Variants in ST6GAL1 observed in about 807,000 individuals in gnomAD.
The protein encoded by ST6GAL1 is beta-galactoside alpha-2,6-sialyltransferase 1.
Under a neutral mutation model 38.0 loss-of-function variants are expected in ST6GAL1, and 20 were observed. That is an observed-to-expected ratio of 0.53 (90% CI 0.37 to 0.77). The LOEUF is 0.77. Among genes scored for constraint, ST6GAL1 ranks in the 30% least tolerant of loss-of-function variants. The probability of loss-of-function intolerance (pLI) is 0.00; values close to 1 mark genes in which losing one functional copy is unlikely to be tolerated. For synonymous variants in ST6GAL1, 196 were observed against 188.2 expected (o/e 1.04, Z -0.34); for missense variants, 432 against 496.4 (o/e 0.87, Z 1.23).
At position 187,030,824 on chromosome 3, in the gene ST6GAL1, G is replaced by A. The variant is rs188531363; in HGVS notation, c.-182-7918G>A. ...AGAGCTACTCACACAGTTGTGTGTG[G>A]TCTGGGGCGGTAGTAAATTCCCTGT... On this transcript the variant is annotated intron_variant, in intron 2 of 7. Coordinates refer to ENST00000169298, the MANE Select transcript of ST6GAL1 (RefSeq NM_173216.2). Among the ~76,000 whole-genome samples the A allele has an allele frequency of 3.1e-3, 473 of 152,276 alleles. 4 individuals are homozygous for A. Among genetic ancestry groups the A allele is most frequent in the South Asian group, 0.028 (137 of 4,822 alleles).
At chr3:187,043,811 A>G (rs1718209487) in intron 4 of ST6GAL1, 1 of 152,318 alleles carries the variant, frequency 6.6e-6, no homozygotes, top group Non-Finnish European at 1.5e-5. Flanking sequence ...TCTGCACATC[A>G]TTTCCAGGTT....
chr3:187,029,129 C>T (rs1184251180), intron 2 of ST6GAL1, among the ~76,000 whole-genome samples: 2 of 145,524 alleles, frequency 1.4e-5, no homozygotes, highest in African/African-American at 5.1e-5. Context: ...CATGTCACGT[C>T]ACATCAGAAG....
At chr3:187,012,658 G>T (rs1444912513) in intron 2 of ST6GAL1, among the ~76,000 whole-genome samples, 2 of 152,220 alleles carry the variant, frequency 1.3e-5, no homozygotes, top group South Asian at 2.1e-4. Flanking sequence ...CTGAGCAAGG[G>T]TGCTGCTGAT....
At chr3:186,945,851 C>T (rs1036231413) in intron 1 of ST6GAL1, among the ~76,000 whole-genome samples, 4 of 151,130 alleles carry the variant, frequency 2.6e-5, no homozygotes, top group Non-Finnish European at 5.9e-5. Flanking sequence ...ATTAGCCAGG[C>T]GTGGTGGTGG....
intron 1 of ST6GAL1, among the ~76,000 whole-genome samples, chr3:186,937,844 A>G (rs1474988028): frequency 6.6e-6 from 1 of 152,118 alleles, no homozygotes; most frequent in Non-Finnish European, 1.5e-5. Flanking sequence ...AGGCTGATGC[A>G]GGCAGATCAC....
chr3:186,985,485 GA>G (rs1417437532), intron 2 of ST6GAL1, among the ~76,000 whole-genome samples: 4 of 151,700 alleles, frequency 2.6e-5, no homozygotes, highest in African/African-American at 9.7e-5. Context: ...AAAAGTTTTT[GA>G]AAGGATATGA....
chr3:187,058,875 C>T (rs1293149015), intron 5 of ST6GAL1, among the ~76,000 whole-genome samples: 1 of 152,128 alleles, frequency 6.6e-6, no homozygotes, highest in African/African-American at 2.4e-5. Context: ...CTCCTGACCT[C>T]AAGTAACCAC....
chr3:186,993,319 G>A (rs534131659), intron 2 of ST6GAL1, among the ~76,000 whole-genome samples: 3 of 152,308 alleles, frequency 2.0e-5, no homozygotes, highest in Non-Finnish European at 4.4e-5. Flanking sequence ...AGAATGACCC[G>A]ATGGAGTTAA....
rs1018402682 is a variant in ST6GAL1, at chr3:187,075,226, C to T, written c.980-336C>T. 2.0e-5 allele frequency among the ~76,000 whole-genome samples: 3 copies of T among 152,216 alleles called. No individual in the cohort carries two copies. Among genetic ancestry groups the T allele is most frequent in the Non-Finnish European group, 4.4e-5 (3 of 68,042 alleles). ...TCCTCAATCAGCTCAGTAATCTTGT[C>T]CTCTTTCTCCAAATAAATTATTCCA... is the stretch of plus-strand genomic sequence containing the variant. On this transcript the variant is annotated intron_variant, in intron 7 of 7. Coordinates refer to ENST00000169298, the MANE Select transcript of ST6GAL1 (RefSeq NM_173216.2). This position sits in a 1 kb window ranked among gnomAD's most constrained non-coding sequence, Gnocchi z 4.1.
chr3:186,972,885 G>A (rs1251088139), intron 2 of ST6GAL1, among the ~76,000 whole-genome samples: 3 of 152,122 alleles, frequency 2.0e-5, no homozygotes, highest in Admixed American at 6.5e-5. Flanking sequence ...AGTTTGGGAT[G>A]TTGAGATGGG....
chr3:186,961,084 C>A (rs541821976), intron 1 of ST6GAL1, among the ~76,000 whole-genome samples: 1 of 151,888 alleles, frequency 6.6e-6, no homozygotes, highest in Non-Finnish European at 1.5e-5. Context: ...TCAAGCAGCT[C>A]TCCTGCCTTG....
chr3:187,056,277 T>C (rs1439130280), intron 5 of ST6GAL1, among the ~76,000 whole-genome samples: 4 of 152,192 alleles, frequency 2.6e-5, no homozygotes, highest in African/African-American at 9.7e-5. Context: ...GCCTGTATCT[T>C]TCAACTGGGG....
chr3:187,013,885 G>A (rs1717035967), intron 2 of ST6GAL1, among the ~76,000 whole-genome samples: 1 of 152,116 alleles, frequency 6.6e-6, no homozygotes, highest in Non-Finnish European at 1.5e-5. Context: ...GCACCCGGCC[G>A]CAAATACTGG....
intron 5 of ST6GAL1, among the ~76,000 whole-genome samples, chr3:187,058,329 G>T (rs1269764667): frequency 6.6e-6 from 1 of 152,176 alleles, no homozygotes; most frequent in Non-Finnish European, 1.5e-5. Context: ...CCAATGATAT[G>T]AACCAGGTAC....
chr3:186,961,090 C>T (rs1179021565), intron 1 of ST6GAL1, among the ~76,000 whole-genome samples: 1 of 151,970 alleles, frequency 6.6e-6, no homozygotes, highest in Admixed American at 6.6e-5. Context: ...AGCTCTCCTG[C>T]CTTGGCTTCC....
chr3:186,999,855 A>AT (rs1454718447), intron 2 of ST6GAL1, among the ~76,000 whole-genome samples: 1 of 149,786 alleles, frequency 6.7e-6, no homozygotes, highest in South Asian at 2.1e-4. Context: ...ATTTATTTAT[A>AT]TTTTTTTTAG....
chr3:187,043,434 GT>G (rs1448754170), intron 4 of ST6GAL1, 124 bp downstream of exon 4: 4 of 1,387,036 alleles, frequency 2.9e-6, no homozygotes, highest in South Asian at 1.4e-5. Context: ...CCAGGGCAGT[GT>G]TTTTTTCAGA....
intron 5 of ST6GAL1, among the ~76,000 whole-genome samples, chr3:187,063,707 C>T (rs1183430964): frequency 1.3e-5 from 2 of 148,556 alleles, no homozygotes; most frequent in African/African-American, 2.6e-5. Flanking sequence ...AACGAAACCC[C>T]AGTCCTGCAA....
At chr3:186,960,559 G>A (rs1714899254) in intron 1 of ST6GAL1, among the ~76,000 whole-genome samples, 1 of 152,076 alleles carries the variant, frequency 6.6e-6, no homozygotes, top group Admixed American at 6.6e-5. Flanking sequence ...TATTAAAATG[G>A]CCAGGAAGCA....
Sources: gnomAD v4.1 joint callset for allele counts (sites outside exome capture counted in the v4.1 genomes callset) on GRCh38, gnomAD v4.1.1 for gene constraint, Gnocchi (gnomAD v3.1) non-coding constraint, MANE v1.5 for transcripts, NCBI Gene and HGNC (gene_info 2026-07-23, HGNC 2026-07-21) for gene names.